PLCB1: variants seen among roughly 807,000 people sequenced by gnomAD.
The protein encoded by PLCB1 is phospholipase C beta 1, also known as 1-phosphatidylinositol 4,5-bisphosphate phosphodiesterase beta-1.
In PLCB1, 46 loss-of-function variants were observed where a neutral mutation model predicts 161.8. The ratio of observed to expected loss-of-function variants is 0.28; its 90% CI spans 0.22 to 0.36. The LOEUF (loss-of-function observed/expected upper bound fraction) is 0.36, where lower values mean the gene tolerates loss of function less well. Among genes scored for constraint, PLCB1 ranks in the 10% least tolerant of loss-of-function variants. PLCB1 has a pLI of 1.00. For synonymous variants in PLCB1, 517 were observed against 503.7 expected (o/e 1.03, Z -0.35); for missense variants, 1,016 against 1,472.5 (o/e 0.69, Z 5.07).
intron 2 of PLCB1, among the ~76,000 whole-genome samples, chr20:8,359,019 T>G (rs139591025): frequency 6.6e-6 from 1 of 152,336 alleles, no homozygotes; most frequent in East Asian, 1.9e-4. Flanking sequence ...TTAGTTGTTC[T>G]TCTGTATTTT....
chr20:8,348,079 A>G (rs764821191), intron 2 of PLCB1, among the ~76,000 whole-genome samples: 13 of 152,220 alleles, frequency 8.5e-5, no homozygotes, highest in Non-Finnish European at 1.3e-4. Flanking sequence ...GGGGAAAGAT[A>G]TGGTTGTGAA....
At chr20:8,738,863 G>C (rs986833001) in intron 20 of PLCB1, among the ~76,000 whole-genome samples, 2 of 152,150 alleles carry the variant, frequency 1.3e-5, no homozygotes, top group African/African-American at 4.8e-5. Context: ...CTGAAAAGCT[G>C]GTCCTGGCCA....
intron 3 of PLCB1, among the ~76,000 whole-genome samples, chr20:8,547,605 T>G (rs1199502240): frequency 1.3e-5 from 2 of 152,174 alleles, no homozygotes; most frequent in Non-Finnish European, 2.9e-5. Flanking sequence ...CCTGTTGTAT[T>G]TTTGGATCCA....
intron 31 of PLCB1, among the ~76,000 whole-genome samples, chr20:8,813,045 G>A (rs752756752): frequency 9.9e-5 from 15 of 152,186 alleles, no homozygotes; most frequent in Non-Finnish European, 1.6e-4. Flanking sequence ...GGAATTGGTC[G>A]CCTGGGAGGT....
chr20:8,135,844 T>C (rs1286138151), intron 1 of PLCB1, among the ~76,000 whole-genome samples: 1 of 152,170 alleles, frequency 6.6e-6, no homozygotes, highest in Non-Finnish European at 1.5e-5. Context: ...TGTAAAGGAC[T>C]ATGGGTATTT....
At chr20:8,161,783 CTT>C (rs58456108) in intron 2 of PLCB1, among the ~76,000 whole-genome samples, 2 of 140,946 alleles carry the variant, frequency 1.4e-5, no homozygotes, top group African/African-American at 2.6e-5. Flanking sequence ...GAACATTGGA[CTT>C]TTTTTTTTTT....
chr20:8,539,057 G>T (rs535038585), intron 3 of PLCB1, among the ~76,000 whole-genome samples: 7 of 151,974 alleles, frequency 4.6e-5, no homozygotes, highest in Non-Finnish European at 8.8e-5. Flanking sequence ...AAAGTGCTGG[G>T]GTTACAGGCA....
intron 3 of PLCB1, among the ~76,000 whole-genome samples, chr20:8,472,804 G>T (rs6118204): frequency 1.3e-5 from 2 of 152,094 alleles, no homozygotes; most frequent in Non-Finnish European, 2.9e-5. Flanking sequence ...GACCAGGAAG[G>T]TCACCACAGT....
At chr20:8,728,479 A>G (rs997438513) in intron 17 of PLCB1, among the ~76,000 whole-genome samples, 3 of 152,084 alleles carry the variant, frequency 2.0e-5, no homozygotes, top group Admixed American at 2.0e-4. Context: ...TGACCTTGCT[A>G]TCAATTATAA....
intron 3 of PLCB1, among the ~76,000 whole-genome samples, chr20:8,519,954 T>C (rs1984284179): frequency 6.6e-6 from 1 of 152,182 alleles, no homozygotes; most frequent in Non-Finnish European, 1.5e-5. Flanking sequence ...TAAGAAATTC[T>C]GACTCAGGCT....
chr20:8,304,403 CT>C (rs780947420), intron 2 of PLCB1, among the ~76,000 whole-genome samples: 1 of 152,018 alleles, frequency 6.6e-6, no homozygotes, highest in Non-Finnish European at 1.5e-5. Flanking sequence ...TGTTTCATCT[CT>C]GAGCAGCTCA....
chr20:8,776,751 A>G (rs1322364163), intron 27 of PLCB1, among the ~76,000 whole-genome samples: 1 of 152,200 alleles, frequency 6.6e-6, no homozygotes, highest in Admixed American at 6.5e-5. Flanking sequence ...AAAAATAACA[A>G]TCCTAGGCTT....
At chr20:8,730,940 C>T (rs1980208162) in intron 18 of PLCB1, among the ~76,000 whole-genome samples, 1 of 151,610 alleles carries the variant, frequency 6.6e-6, no homozygotes, top group African/African-American at 2.4e-5. Flanking sequence ...TTATAATAGC[C>T]TATTTTTTGC....
In PLCB1 at chr20:8,697,687, T is replaced by G; in HGVS notation, c.1071T>G (p.Cys357Trp). 6.2e-7 allele frequency: 1 copy of G among 1,614,190 alleles called. No individual in the cohort carries two copies. ...EMYRQVLLSG[C>W]RCVELDCWKG... ...ATCGCCAAGTGCTCCTGTCTGGTTG[T>G]CGCTGTGTGGAGCTGGACTGCTGGA... The change falls in exon 11 of 32, where the codon TGT becomes TGG. Residue 357 changes from cysteine (C) to tryptophan (W), a missense_variant. Physicochemically the swap from Cys to Trp is radical, Grantham distance 215. Coordinates refer to ENST00000338037, the MANE Select transcript of PLCB1 (RefSeq NM_015192.4).
chr20:8,355,060 A>C (rs761237733), intron 2 of PLCB1, among the ~76,000 whole-genome samples: 2 of 152,194 alleles, frequency 1.3e-5, no homozygotes, highest in South Asian at 4.1e-4. Context: ...CTAGTTGTAC[A>C]ACTCATTAGC....
chr20:8,443,563 G>C lies in PLCB1; in HGVS notation c.246+72113G>C, dbSNP rs116524242. On this transcript the variant is annotated intron_variant, in intron 3 of 31. Transcript: ENST00000338037. ...CATCTGCTATCTTTTGGATCTCCAG[G>C]GTTTTCTTTCCTACTCCTTACCCCA... is the stretch of plus-strand genomic sequence containing the variant. Among the ~76,000 whole-genome samples the C allele has an allele frequency of 4.5e-3, 690 of 152,230 alleles. 11 individuals carry two copies. The highest frequency in any genetic ancestry group is 0.016 in the African/African-American group (650 of 41,538).
At chr20:8,334,107 G>T (rs1197163104) in intron 2 of PLCB1, among the ~76,000 whole-genome samples, 1 of 152,170 alleles carries the variant, frequency 6.6e-6, no homozygotes, top group African/African-American at 2.4e-5. Context: ...TACTTGGGAG[G>T]CTGAGGCAGG....
At chr20:8,402,769 T>C (rs1024166882) in intron 3 of PLCB1, among the ~76,000 whole-genome samples, 5 of 151,944 alleles carry the variant, frequency 3.3e-5, no homozygotes, top group Admixed American at 3.3e-4. Flanking sequence ...GGAGTGAACC[T>C]GGGAGGCGGA....
At chr20:8,386,855 G>A (rs1162237180) in intron 3 of PLCB1, among the ~76,000 whole-genome samples, 1 of 152,206 alleles carries the variant, frequency 6.6e-6, no homozygotes, top group African/African-American at 2.4e-5. Flanking sequence ...GCTTCACCTT[G>A]CACTTGTATG....
Sources: gnomAD v4.1 joint callset for allele counts (sites outside exome capture counted in the v4.1 genomes callset) on GRCh38, gnomAD v4.1.1 for gene constraint, MANE v1.5 for transcripts, NCBI Gene and HGNC (gene_info 2026-07-23, HGNC 2026-07-21) for gene names.